Variants in NDUFAF7 observed in about 807,000 individuals in gnomAD.
NDUFAF7 encodes the protein protein arginine methyltransferase NDUFAF7, mitochondrial.
A neutral mutation model predicts 47.2 loss-of-function variants in NDUFAF7; 48 were observed. That is an observed-to-expected ratio of 1.02 (90% CI 0.81 to 1.29). The LOEUF (loss-of-function observed/expected upper bound fraction) is 1.29, where lower values mean the gene tolerates loss of function less well. NDUFAF7 is among the 50% of genes most tolerant of loss of function. The pLI is 0.00. For missense variants in NDUFAF7, 635 were observed against 537.6 expected (o/e 1.18, Z -1.79); for synonymous variants, 217 against 190.0 (o/e 1.14, Z -1.17).
downstream of NDUFAF7, among the ~76,000 whole-genome samples, chr2:37,250,065 C>T (rs1667354768): frequency 6.6e-6 from 1 of 151,194 alleles, no homozygotes; most frequent in Non-Finnish European, 1.5e-5. Context: ...CATTAGCTAT[C>T]ATTAGTGGTG....
downstream of NDUFAF7, chr2:37,253,428 T>TG (rs368008803): frequency 8.8e-5 from 116 of 1,312,134 alleles, 1 homozygote; most frequent in African/African-American, 1.4e-3. Context: ...TGTGTTTTTT[T>TG]TTGTTGTTGT....
intron 4 of NDUFAF7, among the ~76,000 whole-genome samples, chr2:37,238,675 C>T (rs1354438852): frequency 6.6e-6 from 1 of 151,684 alleles, no homozygotes; most frequent in Non-Finnish European, 1.5e-5. Flanking sequence ...TCTTGCTCTA[C>T]AAATAAACTA....
intron 2 of NDUFAF7, among the ~76,000 whole-genome samples, chr2:37,232,815 T>C (rs991885067): frequency 2.0e-5 from 3 of 152,196 alleles, no homozygotes; most frequent in Admixed American, 6.5e-5. Context: ...TTAGGCACAG[T>C]CACAGCTTTC....
chr2:37,256,567 T>C (rs1028504048), downstream of NDUFAF7: 8 of 1,366,868 alleles, frequency 5.9e-6, no homozygotes, highest in East Asian at 2.5e-5. Flanking sequence ...AAAAGATAAG[T>C]TGCAAGAGAC....
At chr2:37,261,904 C>T in the NDUFAF7 span, among the ~76,000 whole-genome samples, 2 of 152,304 alleles carry the variant, frequency 1.3e-5, no homozygotes, top group African/African-American at 4.8e-5. Flanking sequence ...AATACCTGCA[C>T]AACCATTCCG....
intron 2 of NDUFAF7, among the ~76,000 whole-genome samples, chr2:37,234,661 G>T (rs1323136348): frequency 6.6e-6 from 1 of 152,128 alleles, no homozygotes; most frequent in Non-Finnish European, 1.5e-5. Context: ...GGAGTGACTT[G>T]ATTTATTTTG....
intron 2 of NDUFAF7, 37 bp downstream of exon 2, chr2:37,232,303 A>C: frequency 6.2e-7 from 1 of 1,611,384 alleles, no homozygotes; most frequent in Non-Finnish European, 8.5e-7. Flanking sequence ...GGCCCTCTCT[A>C]GCCGATTTGC....
the NDUFAF7 span, among the ~76,000 whole-genome samples, chr2:37,265,636 T>A: frequency 6.6e-6 from 1 of 152,132 alleles, no homozygotes; most frequent in Non-Finnish European, 1.5e-5. Flanking sequence ...TACTTAAGTA[T>A]AAATGCTGAC....
In NDUFAF7 at chr2:37,236,048, G is replaced by C. The variant is rs111826599; in HGVS notation, c.217-48G>C. ...GATTTTGGAGGGGTATTTTTAAAAG[G>C]CTTATTTGAAAATTAATTTTGTTTC... On this transcript the variant is annotated intron_variant, in intron 2 of 9. Coordinates refer to ENST00000002125, the MANE Select transcript of NDUFAF7 (RefSeq NM_144736.5). 3.7e-5 allele frequency: 53 copies of C among 1,439,106 alleles called. No homozygotes were observed. The African/African-American group carries it at 6.4e-4, about 18-fold the overall frequency. The allele number at this position is 1,439,106 out of a possible 1,614,324, so 89.1% of individuals were successfully genotyped here. A position where few individuals can be genotyped will look rare whatever the true frequency, so the allele number is the denominator to read the frequency against.
chr2:37,248,458 C>T lies in NDUFAF7; in HGVS notation c.*108C>T, dbSNP rs1572575100. 19 of 1,057,872 alleles carry T rather than the reference C, an allele frequency of 1.8e-5. No homozygotes were observed. The highest frequency in any genetic ancestry group is 7.2e-5 in the East Asian group (3 of 41,412). 65.5% of individuals were successfully genotyped at this position (1,057,872 alleles called of 1,614,324 possible). A position where few individuals can be genotyped will look rare whatever the true frequency, so the allele number is the denominator to read the frequency against. ...AAAGTCAAAGTATTTTATCTTTTCA[C>T]AGCAAGAACAGTCCATGTTGTATAT... is the stretch of plus-strand genomic sequence containing the variant. On this transcript the variant is annotated 3_prime_UTR_variant, in exon 10 of 10. Coordinates refer to ENST00000002125, the MANE Select transcript of NDUFAF7 (RefSeq NM_144736.5).
Position 37,246,198 on chromosome 2 carries a change from A to G in NDUFAF7, c.936+3A>G, listed in dbSNP as rs372755679. 1.7e-5 allele frequency: 28 copies of G among 1,613,560 alleles called. No individual in the cohort carries two copies. Among genetic ancestry groups the G allele is most frequent in the African/African-American group, 9.3e-5 (7 of 74,916 alleles). ...GAACAAAGACAGATACCTTCAGAGTATGTATAATTCAGTAACATGATTTAT... is the reference window on the plus strand; with the variant it reads ...GAACAAAGACAGATACCTTCAGAGTGTGTATAATTCAGTAACATGATTTAT... On this transcript the variant is annotated splice_donor_region_variant and intron_variant, in intron 8 of 9. Coordinates refer to ENST00000002125, the MANE Select transcript of NDUFAF7 (RefSeq NM_144736.5).
At chr2:37,242,097 T>G in intron 5 of NDUFAF7, 2 of 395,202 alleles carry the variant, frequency 5.1e-6, no homozygotes, top group Middle Eastern at 7.5e-4. Context: ...CCAAGGCAGC[T>G]GGGGCTGATG....
chr2:37,263,341 C>G, the NDUFAF7 span, among the ~76,000 whole-genome samples: 1 of 152,120 alleles, frequency 6.6e-6, no homozygotes. Context: ...TGCTTTAATG[C>G]ATTGAGATCA....
At chr2:37,247,372 AAT>A in intron 8 of NDUFAF7, 82 bp from the exon 9 acceptor site, 2 of 1,464,598 alleles carry the variant, frequency 1.4e-6, no homozygotes, top group Non-Finnish European at 1.9e-6. Context: ...CATTAATGTA[AAT>A]ATTAAATAAC....
In NDUFAF7 at chr2:37,248,596, TG is replaced by T. The variant is rs1351555865; in HGVS notation, c.*247del. 6 of 506,468 alleles carry T rather than the reference TG, an allele frequency of 1.2e-5. No homozygotes were observed. The highest frequency in any genetic ancestry group is 3.2e-5 in the Admixed American group (1 of 31,126). The allele number at this position is 506,468 out of a possible 1,614,324, so 31.4% of individuals were successfully genotyped here. On this transcript the variant is annotated 3_prime_UTR_variant, in exon 10 of 10. Coordinates refer to ENST00000002125, the MANE Select transcript of NDUFAF7 (RefSeq NM_144736.5). ...GTTTCCTTTAACTTACAAAGCTAGTTGCCATATTTCTATTTTATTTTAAAAA... is the reference window on the plus strand; with the variant it reads ...GTTTCCTTTAACTTACAAAGCTAGTTCCATATTTCTATTTTATTTTAAAAA...
Position 37,232,264 on chromosome 2 carries a change from A to G in NDUFAF7, c.214A>G (p.Lys72Glu). 6.2e-7 allele frequency: 1 copy of G among 1,612,804 alleles called. No homozygotes were observed. Among genetic ancestry groups the G allele is most frequent in the Non-Finnish European group, 8.5e-7 (1 of 1,179,986 alleles). ...YMKEVLTNPA[K>E]GYYVYRDMLG... ...GAAGGAGGTGTTGACTAATCCAGCCAAGGTATGGGTCGGGTAGCCCGAGGA... is the reference window on the plus strand; with the variant it reads ...GAAGGAGGTGTTGACTAATCCAGCCGAGGTATGGGTCGGGTAGCCCGAGGA... The change falls in exon 2 of 10, where the codon AAG becomes GAG. Residue 72 changes from lysine to glutamate, a missense_variant and splice_region_variant. Coordinates refer to ENST00000002125, the MANE Select transcript of NDUFAF7 (RefSeq NM_144736.5).
At chr2:37,246,463 G>A (rs1368515399) in intron 8 of NDUFAF7, among the ~76,000 whole-genome samples, 1 of 152,128 alleles carries the variant, frequency 6.6e-6, no homozygotes, top group African/African-American at 2.4e-5. Flanking sequence ...ATAAGCAGCT[G>A]AATAATACAA....
downstream of NDUFAF7, chr2:37,250,537 T>C (rs986554278): frequency 2.0e-5 from 3 of 152,136 alleles, no homozygotes; most frequent in African/African-American, 7.2e-5. Context: ...TTTTTTTTAT[T>C]TTTGGCAGGT....
chr2:37,234,727 T>G (rs886597771), intron 2 of NDUFAF7, among the ~76,000 whole-genome samples: 1 of 152,094 alleles, frequency 6.6e-6, no homozygotes, highest in African/African-American at 2.4e-5. Context: ...CTAAAAGGAC[T>G]CAGGGGAGTT....
Sources: gnomAD v4.1 joint callset for allele counts (sites outside exome capture counted in the v4.1 genomes callset) on GRCh38, gnomAD v4.1.1 for gene constraint, MANE v1.5 for transcripts, NCBI Gene and HGNC (gene_info 2026-07-23, HGNC 2026-07-21) for gene names.